Variants in SEMA3E observed in about 807,000 individuals in gnomAD.
SEMA3E encodes semaphorin-3E.
Under a neutral mutation model 93.6 loss-of-function variants are expected in SEMA3E, and 49 were observed. That is an observed-to-expected ratio of 0.52 (90% CI 0.42 to 0.66). The LOEUF is 0.66. Among genes scored for constraint, SEMA3E ranks in the 30% least tolerant of loss-of-function variants. SEMA3E has a pLI of 0.00. For synonymous variants in SEMA3E, 363 were observed against 330.7 expected (o/e 1.10, Z -1.06); for missense variants, 906 against 964.8 (o/e 0.94, Z 0.81).
chr7:83,418,261 C>T (rs574011657), intron 5 of SEMA3E, 129 bp downstream of exon 5: 19 of 738,712 alleles, frequency 2.6e-5, no homozygotes, highest in East Asian at 1.9e-4. Flanking sequence ...ATCATTGCTT[C>T]GAGCATCAGA....
At chr7:83,402,548 TG>T in intron 10 of SEMA3E, 83 bp downstream of exon 10, 1 of 1,278,474 alleles carries the variant, frequency 7.8e-7, no homozygotes, top group Non-Finnish European at 1.1e-6. Context: ...ATTGTTTATC[TG>T]CAAAGTCTTA....
chr7:83,554,306 C>G (rs1791836978), intron 1 of SEMA3E, among the ~76,000 whole-genome samples: 1 of 152,090 alleles, frequency 6.6e-6, no homozygotes. Flanking sequence ...AATCTTAAAT[C>G]AGGATTTTCA....
intron 1 of SEMA3E, among the ~76,000 whole-genome samples, chr7:83,591,141 G>A (rs1792750009): frequency 6.8e-6 from 1 of 146,914 alleles, no homozygotes; most frequent in African/African-American, 2.5e-5. Context: ...ATTCTTTAAG[G>A]AATAGATAAG....
intron 1 of SEMA3E, among the ~76,000 whole-genome samples, chr7:83,629,103 C>A (rs1793734305): frequency 6.6e-6 from 1 of 152,114 alleles, no homozygotes; most frequent in Non-Finnish European, 1.5e-5. Flanking sequence ...GAGTTCCACT[C>A]CAGACCCTGT....
At chr7:83,475,962 C>T (rs1027984746) in intron 2 of SEMA3E, among the ~76,000 whole-genome samples, 1 of 152,148 alleles carries the variant, frequency 6.6e-6, no homozygotes. Context: ...ATTTTTTCAA[C>T]GGACAGTATT....
intron 2 of SEMA3E, among the ~76,000 whole-genome samples, chr7:83,477,515 CTTAA>C (rs1344374757): frequency 1.3e-4 from 20 of 151,976 alleles, no homozygotes; most frequent in Non-Finnish European, 2.5e-4. Context: ...TGCCTTTATA[CTTAA>C]TTATAATAAC....
At chr7:83,370,850 G>A (rs1794740425) in intron 16 of SEMA3E, among the ~76,000 whole-genome samples, 1 of 152,068 alleles carries the variant, frequency 6.6e-6, no homozygotes, top group Non-Finnish European at 1.5e-5. Flanking sequence ...TTCAACAAAT[G>A]GATACTAATT....
chr7:83,524,919 C>G (rs1791124838), intron 1 of SEMA3E, among the ~76,000 whole-genome samples: 1 of 151,920 alleles, frequency 6.6e-6, no homozygotes. Context: ...CCTGAGATCT[C>G]ACATCACTCT....
chr7:83,610,794 G>A (rs1056407918), intron 1 of SEMA3E, among the ~76,000 whole-genome samples: 1 of 152,066 alleles, frequency 6.6e-6, no homozygotes, highest in Non-Finnish European at 1.5e-5. Context: ...GCAAAGGTGA[G>A]AAGCTTCAGA....
At chr7:83,400,381 A>AAACCGATTATTCCATAGCTTTAATTT (rs1788214957) in intron 10 of SEMA3E, 131 bp from the exon 11 acceptor site, 1 of 828,710 alleles carries the variant, frequency 1.2e-6, no homozygotes, top group African/African-American at 1.7e-5. Flanking sequence ...AATATTTAGT[A>AAACCGATTATTCCATAGCTTTAATTT]ATCATATATT....
intron 1 of SEMA3E, among the ~76,000 whole-genome samples, chr7:83,609,178 C>T (rs1360701601): frequency 6.6e-6 from 1 of 151,796 alleles, no homozygotes; most frequent in East Asian, 1.9e-4. Flanking sequence ...TCAAAAAATA[C>T]TCAATAGTAC....
Position 83,405,535 on chromosome 7 carries a change from C to G in SEMA3E, c.929-16G>C. The G allele has an allele frequency of 6.2e-7, 1 of 1,607,814 alleles. No homozygotes were observed. The highest frequency in any genetic ancestry group is 8.5e-7 in the Non-Finnish European group (1 of 1,174,730). ...AAAACGTCCTCTGAAAAATTAAAGG[C>G]CATTCCATCGCTTAGTATTTTTAGC... On this transcript the variant is annotated splice_polypyrimidine_tract_variant and intron_variant, in intron 8 of 16. Coordinates refer to ENST00000643230, the MANE Select transcript of SEMA3E (RefSeq NM_012431.3).
In SEMA3E at chr7:83,386,977, G is replaced by T; in HGVS notation, c.1735+6C>A. On this transcript the variant is annotated splice_donor_region_variant and intron_variant, in intron 15 of 16. Coordinates refer to ENST00000643230, the MANE Select transcript of SEMA3E (RefSeq NM_012431.3). ...AACCCAGAACAACTGATTTTCTATG[G>T]ATTACCAACAAACTGTTGTCCAAAG... is the stretch of plus-strand genomic sequence containing the variant. 6.2e-7 allele frequency: 1 copy of T among 1,612,124 alleles called. No individual in the cohort carries two copies. Among genetic ancestry groups the T allele is most frequent in the Non-Finnish European group, 8.5e-7 (1 of 1,178,758 alleles).
At chr7:83,505,425 G>C (rs1790680889) in intron 1 of SEMA3E, among the ~76,000 whole-genome samples, 1 of 152,004 alleles carries the variant, frequency 6.6e-6, no homozygotes, top group African/African-American at 2.4e-5. Flanking sequence ...GTAATTAAAA[G>C]AAATCAAGAT....
chr7:83,606,973 A>G (rs976034257), intron 1 of SEMA3E, among the ~76,000 whole-genome samples: 1 of 152,186 alleles, frequency 6.6e-6, no homozygotes, highest in Non-Finnish European at 1.5e-5. Flanking sequence ...TTAAAGTATA[A>G]TGTAGGGAAT....
intron 1 of SEMA3E, among the ~76,000 whole-genome samples, chr7:83,620,331 C>G (rs1162466788): frequency 6.6e-6 from 1 of 151,752 alleles, no homozygotes; most frequent in Non-Finnish European, 1.5e-5. Flanking sequence ...CTGAATAAAC[C>G]TAGCTTAAAG....
intron 16 of SEMA3E, among the ~76,000 whole-genome samples, chr7:83,373,995 T>C (rs1270719529): frequency 9.9e-5 from 15 of 151,068 alleles, no homozygotes; most frequent in Admixed American, 9.9e-4. Flanking sequence ...TCACCTGAGG[T>C]TGGGAGTTCG....
intron 2 of SEMA3E, among the ~76,000 whole-genome samples, chr7:83,474,741 G>T (rs1175374711): frequency 6.6e-6 from 1 of 152,146 alleles, no homozygotes; most frequent in Non-Finnish European, 1.5e-5. Flanking sequence ...CCTGAGAGGA[G>T]TCACTGACCC....
intron 4 of SEMA3E, 82 bp downstream of exon 4, chr7:83,466,400 G>C: frequency 1.3e-6 from 2 of 1,490,736 alleles, no homozygotes; most frequent in Admixed American, 3.4e-5. Context: ...TCTTTCTTGG[G>C]AAGAAATGCT....
Sources: allele counts gnomAD v4.1 joint callset (sites outside exome capture counted in the v4.1 genomes callset), GRCh38; gene constraint gnomAD v4.1.1; transcripts MANE v1.5; gene names NCBI Gene and HGNC (gene_info 2026-07-23, HGNC 2026-07-21).